CACNB2: variants seen among roughly 807,000 people sequenced by gnomAD.
CACNB2 encodes voltage-dependent L-type calcium channel subunit beta-2.
In CACNB2, 42 loss-of-function variants were observed where a neutral mutation model predicts 73.3. That is an observed-to-expected ratio of 0.57 (90% CI 0.45 to 0.74). The LOEUF (loss-of-function observed/expected upper bound fraction) is 0.74, where lower values mean the gene tolerates loss of function less well. CACNB2 is among the 30% of genes least tolerant of loss of function. The pLI, the probability that CACNB2 is intolerant of heterozygous loss-of-function variation, is 0.00. For synonymous variants in CACNB2, 348 were observed against 310.3 expected (o/e 1.12, Z -1.28); for missense variants, 940 against 853.0 (o/e 1.10, Z -1.27).
chr10:18,255,074 A>G (rs906009291), intron 2 of CACNB2, among the ~76,000 whole-genome samples: 2 of 152,000 alleles, frequency 1.3e-5, no homozygotes, highest in Admixed American at 1.3e-4. Flanking sequence ...CCGTCTTCCA[A>G]TCTGTCTTCA....
At chr10:18,309,309 C>G (rs1405965890) in intron 2 of CACNB2, among the ~76,000 whole-genome samples, 1 of 152,086 alleles carries the variant, frequency 6.6e-6, no homozygotes, top group East Asian at 1.9e-4. Context: ...TACATAAGCA[C>G]CAGACTGCCA....
intron 3 of CACNB2, among the ~76,000 whole-genome samples, chr10:18,418,249 A>G (rs2045113169): frequency 6.6e-6 from 1 of 152,100 alleles, no homozygotes; most frequent in Non-Finnish European, 1.5e-5. Flanking sequence ...TAATTTTTGT[A>G]TTTTTAGTAG....
intron 2 of CACNB2, among the ~76,000 whole-genome samples, chr10:18,349,759 G>C (rs988993984): frequency 2.0e-5 from 3 of 151,714 alleles, no homozygotes; most frequent in African/African-American, 7.3e-5. Flanking sequence ...GACAGAAGAT[G>C]GTGATGGCTA....
At chr10:18,386,474 C>G (rs1443975772) in intron 2 of CACNB2, among the ~76,000 whole-genome samples, 2 of 143,532 alleles carry the variant, frequency 1.4e-5, no homozygotes, top group African/African-American at 5.2e-5. Flanking sequence ...GCCATCTCGG[C>G]TCACTGCAAG....
chr10:18,287,319 ACT>A (rs891247182), intron 2 of CACNB2, among the ~76,000 whole-genome samples: 1 of 151,872 alleles, frequency 6.6e-6, no homozygotes, highest in African/African-American at 2.4e-5. Flanking sequence ...ACACAGCGAG[ACT>A]CTTTCTCAAA....
chr10:18,234,915 G>C (rs1271292024), intron 2 of CACNB2, among the ~76,000 whole-genome samples: 1 of 149,778 alleles, frequency 6.7e-6, no homozygotes, highest in African/African-American at 2.5e-5. Context: ...AGGCTGAGGC[G>C]GGCAGATCAC....
intron 3 of CACNB2, among the ~76,000 whole-genome samples, chr10:18,473,870 G>A (rs1229438906): frequency 6.6e-6 from 1 of 152,140 alleles, no homozygotes; most frequent in Non-Finnish European, 1.5e-5. Flanking sequence ...CAGAACCAGG[G>A]CCAGGGTGTA....
At chr10:18,241,975 C>T (rs542981877) in intron 2 of CACNB2, among the ~76,000 whole-genome samples, 25 of 152,018 alleles carry the variant, frequency 1.6e-4, no homozygotes, top group African/African-American at 1.9e-4. Context: ...TATTCAATTA[C>T]GTATATAGTC....
In CACNB2 at chr10:18,366,396, C is replaced by T. The variant is rs929283785; in HGVS notation, c.214-35528C>T. Reference sequence around the variant, plus strand: ...AGGAGAATGGTACGAACCCGGGAGGCGGAGCTTGCAGTAAGCCAAGATCGC... The same window carrying T: ...AGGAGAATGGTACGAACCCGGGAGGTGGAGCTTGCAGTAAGCCAAGATCGC... On this transcript the variant is annotated intron_variant, in intron 2 of 13. Coordinates refer to ENST00000324631, the MANE Select transcript of CACNB2 (RefSeq NM_201596.3). 4.1e-5 allele frequency among the ~76,000 whole-genome samples: 6 copies of T among 146,604 alleles called. No individual in the cohort carries two copies. The Admixed American group carries it at 4.2e-4, about 10-fold the overall frequency.
intron 3 of CACNB2, among the ~76,000 whole-genome samples, chr10:18,474,450 T>A (rs2048337710): frequency 6.6e-6 from 1 of 152,194 alleles, no homozygotes; most frequent in South Asian, 2.1e-4. Flanking sequence ...AGCCAGGTGC[T>A]CAGGCTCCTA....
intron 2 of CACNB2, among the ~76,000 whole-genome samples, chr10:18,304,872 G>C (rs1181668606): frequency 6.6e-6 from 1 of 152,124 alleles, no homozygotes; most frequent in African/African-American, 2.4e-5. Flanking sequence ...TTCCTCACAG[G>C]TCATGCTGTA....
chr10:18,197,118 C>T (rs1021156150), intron 2 of CACNB2, among the ~76,000 whole-genome samples: 1 of 152,136 alleles, frequency 6.6e-6, no homozygotes, highest in Non-Finnish European at 1.5e-5. Context: ...CTATAATGAT[C>T]ATGACATTGG....
At chr10:18,456,807 G>A (rs150235169) in intron 3 of CACNB2, among the ~76,000 whole-genome samples, 19 of 152,270 alleles carry the variant, frequency 1.2e-4, no homozygotes, top group Admixed American at 8.5e-4. Context: ...CCATGTTATA[G>A]CATTTATCAG....
intron 13 of CACNB2, 175 bp from the exon 14 acceptor site, chr10:18,539,054 TA>T: frequency 2.7e-6 from 2 of 752,156 alleles, no homozygotes; most frequent in Non-Finnish European, 4.6e-6. Context: ...TTTAATATAG[TA>T]TAGTATAAAG....
intron 2 of CACNB2, among the ~76,000 whole-genome samples, chr10:18,339,067 C>T (rs949335799): frequency 4.6e-5 from 7 of 152,018 alleles, no homozygotes; most frequent in African/African-American, 1.2e-4. Context: ...TACAGCCCCT[C>T]GGTGTAGCTA....
At chr10:18,275,166 A>C (rs16917138) in intron 2 of CACNB2, among the ~76,000 whole-genome samples, 1 of 152,104 alleles carries the variant, frequency 6.6e-6, no homozygotes, top group Non-Finnish European at 1.5e-5. Flanking sequence ...CTCCATCGCT[A>C]TCTGGAGAAA....
At chr10:18,502,151 C>A (rs2050226601) in intron 5 of CACNB2, among the ~76,000 whole-genome samples, 2 of 151,818 alleles carry the variant, frequency 1.3e-5, no homozygotes, top group South Asian at 4.2e-4. Context: ...TACTAAAAAT[C>A]CAAAAATTAG....
At chr10:18,233,095 A>G (rs1274869672) in intron 2 of CACNB2, among the ~76,000 whole-genome samples, 1 of 152,178 alleles carries the variant, frequency 6.6e-6, no homozygotes, top group Non-Finnish European at 1.5e-5. Context: ...AAATAAATAA[A>G]TAGTTTAGAG....
chr10:18,173,771 T>C (rs984907638), intron 2 of CACNB2, among the ~76,000 whole-genome samples: 1 of 152,210 alleles, frequency 6.6e-6, no homozygotes, highest in Non-Finnish European at 1.5e-5. Context: ...GTTTTGTTGA[T>C]ATTAAGTTTG....
Sources: allele counts gnomAD v4.1 joint callset (sites outside exome capture counted in the v4.1 genomes callset), GRCh38; gene constraint gnomAD v4.1.1; transcripts MANE v1.5; gene names NCBI Gene and HGNC (gene_info 2026-07-23, HGNC 2026-07-21).